The following EYA3 variants were observed in gnomAD, a reference collection of about 807,000 sequenced individuals.
EYA3 encodes the protein EYA transcriptional coactivator and phosphatase 3, also known as protein phosphatase EYA3.
EYA3 carries 39 observed loss-of-function variants against 80.0 expected under a neutral mutation model. That is an observed-to-expected ratio of 0.49 (90% CI 0.38 to 0.64). EYA3 has a LOEUF of 0.64. Ranked by LOEUF, EYA3 falls within the 30% of genes least tolerant of loss-of-function variation. The pLI, the probability that EYA3 is intolerant of heterozygous loss-of-function variation, is 0.00. For synonymous variants in EYA3, 206 were observed against 232.8 expected, an observed-to-expected ratio of 0.88 and a Z score of 1.05; for missense variants, 523 against 676.1, an observed-to-expected ratio of 0.77 and a Z score of 2.51.
At chr1:28,035,129 G>A (rs1484323942) in intron 6 of EYA3, among the ~76,000 whole-genome samples, 2 of 152,118 alleles carry the variant, frequency 1.3e-5, no homozygotes, top group African/African-American at 2.4e-5. Context: ...GGGGAGAAAG[G>A]AGAGGGAGAA....
intron 7 of EYA3, among the ~76,000 whole-genome samples, chr1:28,025,574 T>C (rs1443019179): frequency 6.6e-6 from 1 of 152,174 alleles, no homozygotes; most frequent in African/African-American, 2.4e-5. Context: ...GCAACATCTA[T>C]CCACTGCTTA....
intron 1 of EYA3, among the ~76,000 whole-genome samples, chr1:28,086,271 T>G (rs2148968483): frequency 6.6e-6 from 1 of 152,104 alleles, no homozygotes; most frequent in Non-Finnish European, 1.5e-5. Flanking sequence ...TGGAGCGCAG[T>G]GATGTGATCA....
chr1:28,042,633 T>A lies in EYA3; in HGVS notation c.95A>T (p.Asp32Val). Reference sequence around the variant, plus strand: ...TGTTTCAGGCTTCTGATCACTGACATCTGGATTGCTTACTTGACTGGGAGA... The same window carrying A: ...TGTTTCAGGCTTCTGATCACTGACAACTGGATTGCTTACTTGACTGGGAGA... ...EQTISQVSNP[D>V]VSDQKPETSS... The change falls in exon 4 of 18, where the codon GAT becomes GTT. Residue 32 changes from aspartate to valine, a missense_variant. Asp to Val is a radical substitution (Grantham distance 152, BLOSUM62 -3). Coordinates refer to ENST00000373871, the MANE Select transcript of EYA3 (RefSeq NM_001990.4). 6.2e-7 allele frequency: 1 copy of A among 1,614,150 alleles called. No homozygotes were observed. The highest frequency in any genetic ancestry group is 1.1e-5 in the South Asian group (1 of 91,080).
Position 27,972,513 on chromosome 1 carries a change from C to G in EYA3, c.*1953G>C, listed in dbSNP as rs1638771090. ...CCTCTCTCTCTTGCTATCTGGGTGGCCTGGCATTGGAAGGAGTCTTGCCTC... is the reference window on the plus strand; with the variant it reads ...CCTCTCTCTCTTGCTATCTGGGTGGGCTGGCATTGGAAGGAGTCTTGCCTC... On this transcript the variant is annotated 3_prime_UTR_variant, in exon 18 of 18. Transcript: ENST00000373871. 1 of 152,222 alleles carries G rather than the reference C, an allele frequency of 6.6e-6. No individual in the cohort carries two copies. Among genetic ancestry groups the G allele is most frequent in the Non-Finnish European group, 1.5e-5 (1 of 68,068 alleles). 9.4% of individuals were successfully genotyped at this position (152,222 alleles called of 1,614,324 possible).
At chr1:27,987,493 A>G (rs1644791163) in intron 16 of EYA3, among the ~76,000 whole-genome samples, 1 of 152,092 alleles carries the variant, frequency 6.6e-6, no homozygotes, top group South Asian at 2.1e-4. Context: ...CTGAGACCCA[A>G]TTCTCTCAGA....
intron 1 of EYA3, among the ~76,000 whole-genome samples, chr1:28,062,364 C>T (rs1384014564): frequency 1.3e-5 from 2 of 152,120 alleles, no homozygotes; most frequent in African/African-American, 2.4e-5. Flanking sequence ...TCAAGAGCCA[C>T]ACAATTTTGA....
chr1:28,049,119 TA>T (rs1453887857), intron 2 of EYA3, among the ~76,000 whole-genome samples: 1 of 152,174 alleles, frequency 6.6e-6, no homozygotes, highest in Non-Finnish European at 1.5e-5. Context: ...TATGAATATT[TA>T]AAAGTATTTC....
At chr1:28,059,001 T>C (rs1358990371) in intron 1 of EYA3, among the ~76,000 whole-genome samples, 2 of 152,216 alleles carry the variant, frequency 1.3e-5, no homozygotes, top group Non-Finnish European at 2.9e-5. Context: ...GTTTTTAGCT[T>C]TTCTACCAAC....
intron 1 of EYA3, among the ~76,000 whole-genome samples, chr1:28,061,192 A>G (rs867044467): frequency 9.2e-5 from 14 of 152,240 alleles, no homozygotes; most frequent in Non-Finnish European, 2.9e-5. Context: ...TTGCAAACAT[A>G]CATTCTGGTA....
chr1:28,051,332 C>G (rs1425658942), intron 2 of EYA3, among the ~76,000 whole-genome samples: 3 of 151,794 alleles, frequency 2.0e-5, no homozygotes, highest in Non-Finnish European at 4.4e-5. Flanking sequence ...TATATACTTG[C>G]AGTGAACAAT....
rs372435039 is a variant in EYA3 at position 27,975,571 on chromosome 1, C to T, written c.1642-1025G>A. ...CACGATCTCAGCTCACTGCAAGCTC[C>T]GCCTCCCGGGTTCACGCCATTCTCC... On this transcript the variant is annotated intron_variant, in intron 17 of 17. Coordinates refer to ENST00000373871, the MANE Select transcript of EYA3 (RefSeq NM_001990.4). Among the ~76,000 whole-genome samples the T allele has an allele frequency of 4.6e-5, 7 of 151,094 alleles. 1 individual carries two copies. In the East Asian group the frequency reaches 5.9e-4, roughly 13 times the overall value.
chr1:28,076,069 T>C (rs1024398067), intron 1 of EYA3, among the ~76,000 whole-genome samples: 1 of 152,184 alleles, frequency 6.6e-6, no homozygotes, highest in Non-Finnish European at 1.5e-5. Flanking sequence ...TCTCATAACT[T>C]AGGCAACAGC....
chr1:28,060,378 G>T (rs988862472), intron 1 of EYA3, among the ~76,000 whole-genome samples: 37 of 152,244 alleles, frequency 2.4e-4, no homozygotes, highest in Middle Eastern at 3.4e-3. Context: ...GCTCTATCAA[G>T]TTGAATAATG....
intron 1 of EYA3, among the ~76,000 whole-genome samples, chr1:28,073,894 T>C (rs1645115951): frequency 6.6e-6 from 1 of 152,228 alleles, no homozygotes; most frequent in Non-Finnish European, 1.5e-5. Context: ...TGCATAAAAT[T>C]CTATGACTGT....
rs1205157178 is a variant in EYA3, at chr1:28,013,073, T to C, written c.769+38A>G. The C allele has an allele frequency of 5.0e-6, 8 of 1,585,296 alleles. No homozygotes were observed. Among genetic ancestry groups the C allele is most frequent in the Admixed American group, 1.8e-5 (1 of 55,582 alleles). ...GCCTAAAAACAACTGTTGGATGAAG[T>C]GACCTTAAGCCAAAGTTTTCAGAGC... On this transcript the variant is annotated intron_variant, in intron 9 of 17. Transcript: ENST00000373871. This position sits in a 1 kb window ranked among gnomAD's most constrained non-coding sequence, Gnocchi z 4.0.
chr1:27,975,548 C>T (rs1381894052), intron 17 of EYA3, among the ~76,000 whole-genome samples: 5 of 149,472 alleles, frequency 3.3e-5, no homozygotes, highest in East Asian at 4.0e-4. Context: ...TGCAGTGGCA[C>T]GATCTCAGCT....
At chr1:28,064,215 T>C (rs1644745160) in intron 1 of EYA3, among the ~76,000 whole-genome samples, 1 of 152,182 alleles carries the variant, frequency 6.6e-6, no homozygotes, top group African/African-American at 2.4e-5. Context: ...TTCAAATCCA[T>C]TGAGACGTTG....
intron 6 of EYA3, among the ~76,000 whole-genome samples, chr1:28,031,494 T>A (rs1167881768): frequency 6.6e-6 from 1 of 152,226 alleles, no homozygotes; most frequent in Non-Finnish European, 1.5e-5. Flanking sequence ...TAAGTCTGTC[T>A]CTGAGTGCCT....
chr1:27,993,282 C>T (rs899526315), intron 14 of EYA3, 118 bp downstream of exon 14: 2 of 1,102,288 alleles, frequency 1.8e-6, no homozygotes, highest in African/African-American at 3.2e-5. Context: ...CAGAGTTTAA[C>T]ATATAACTGT....
Sources: allele counts gnomAD v4.1 joint callset (sites outside exome capture counted in the v4.1 genomes callset), GRCh38; gene constraint gnomAD v4.1.1; non-coding constraint Gnocchi (gnomAD v3.1); transcripts MANE v1.5; gene names NCBI Gene and HGNC (gene_info 2026-07-23, HGNC 2026-07-21).